INPP5J: variants seen among roughly 807,000 people sequenced by gnomAD.
The protein encoded by INPP5J is phosphatidylinositol 4,5-bisphosphate 5-phosphatase A.
A neutral mutation model predicts 86.6 loss-of-function variants in INPP5J; 75 were observed. The ratio of observed to expected loss-of-function variants is 0.87; its 90% CI spans 0.72 to 1.05. The LOEUF is 1.05. Among genes scored for constraint, INPP5J ranks in the 50% least tolerant of loss-of-function variants. INPP5J has a pLI of 0.00. For synonymous variants in INPP5J, 540 were observed against 550.0 expected (o/e 0.98, Z 0.25); for missense variants, 1,229 against 1,341.2 (o/e 0.92, Z 1.31).
chr22:31,127,971 A>G lies in INPP5J; in HGVS notation c.1808A>G (p.Asp603Gly). 7.0e-7 allele frequency: 1 copy of G among 1,419,326 alleles called. No homozygotes were observed. Among genetic ancestry groups the G allele is most frequent in the African/African-American group, 1.6e-5 (1 of 63,912 alleles). 87.9% of individuals were successfully genotyped at this position (1,419,326 alleles called of 1,614,324 possible). Residue 603 changes from aspartate (D) to glycine (G), a missense_variant, in exon 7 of 13, where the codon GAC (aspartate) becomes GGC (glycine). Coordinates refer to ENST00000331075, the MANE Select transcript of INPP5J (RefSeq NM_001284285.2). ...AACAGCCTCGTGTTCTGGTTCGGGG[A>G]CCTGAACTTCCGCATTGAGAGCTAT... ...LDHDLVFWFGDLNFRIESYDL... is the reference protein window; with the variant it reads ...LDHDLVFWFGGLNFRIESYDL...
Position 31,134,207 on chromosome 22 carries a change from A to G in INPP5J, c.2809A>G (p.Ser937Gly). 6.5e-7 allele frequency: 1 copy of G among 1,550,122 alleles called. No individual in the cohort carries two copies. The highest frequency in any genetic ancestry group is 8.7e-7 in the Non-Finnish European group (1 of 1,146,760). ...RSSNGSSRGS[S>G]EEGPSGLPGP... ...CAGTAATGGCAGCAGCCGGGGCAGT[A>G]GTGAAGAGGGGCCCTCTGGGTTGCC... is the stretch of plus-strand genomic sequence containing the variant. Residue 937 changes from serine to glycine, a missense_variant, in exon 13 of 13, where the codon AGT becomes GGT. By Grantham distance (56) the Ser-to-Gly change is moderately conservative. Transcript: ENST00000331075.
chr22:31,133,770 C>G, intron 12 of INPP5J, 56 bp downstream of exon 12: 1 of 1,565,692 alleles, frequency 6.4e-7, no homozygotes, highest in African/African-American at 1.4e-5. Context: ...TCAAATGCCA[C>G]AGCCTCTACA....
At chr22:31,127,751 GA>G (rs1047003217) in intron 6 of INPP5J, 199 bp from the exon 7 acceptor site, 9 of 646,032 alleles carry the variant, frequency 1.4e-5, no homozygotes, top group Non-Finnish European at 1.9e-5. Context: ...CTGAAGGTCA[GA>G]ACCTAATTTC....
chr22:31,126,606 C>T lies in INPP5J; in HGVS notation c.1386-7C>T, dbSNP rs758854029. ...ATCCCATGGCCACCCTGCCCCCACCCCTCCAGGTTGCAGGAAGTGAACTCC... is the reference window on the plus strand; with the variant it reads ...ATCCCATGGCCACCCTGCCCCCACCTCTCCAGGTTGCAGGAAGTGAACTCC... On this transcript the variant is annotated splice_polypyrimidine_tract_variant and splice_region_variant and intron_variant, in intron 3 of 12. Transcript: ENST00000331075. 1 of 1,612,124 alleles carries T rather than the reference C, an allele frequency of 6.2e-7. No individual in the cohort carries two copies. The highest frequency in any genetic ancestry group is 8.5e-7 in the Non-Finnish European group (1 of 1,178,348).
upstream of INPP5J, chr22:31,122,908 C>A: frequency 1.3e-6 from 1 of 756,320 alleles, no homozygotes. Flanking sequence ...GGAGCCTGTG[C>A]CTTTAAATTC....
chr22:31,125,834 C>T lies in INPP5J; in HGVS notation c.1095C>T (p.Ala365=), dbSNP rs1200600817. ...SPNRSPCVPP[A]PDMALPRLGT... ...ATCGCTCTCCCTGTGTTCCCCCAGC[C>T]CCTGACATGGCCCTCCCAAGGCTTG... The change falls in exon 2 of 13, where the codon GCC becomes GCT. Residue 365 remains alanine, a synonymous_variant. Coordinates refer to ENST00000331075, the MANE Select transcript of INPP5J (RefSeq NM_001284285.2). The T allele has an allele frequency of 6.2e-7, 1 of 1,607,606 alleles. No homozygotes were observed. Among genetic ancestry groups the T allele is most frequent in the East Asian group, 2.2e-5 (1 of 44,608 alleles).
rs756407033 is a variant in INPP5J at position 31,127,471 on chromosome 22, C to T, written c.1726C>T (p.Gln576Ter). Reference protein sequence around the residue: ...DKAEQRKDNFQTILSLQQFQG... With the variant: ...DKAEQRKDNF Reference sequence around the variant, plus strand: ...GGCGGAGCAGCGCAAAGACAACTTCCAGACCATCCTCAGCCTCCAGCAGTT... The same window carrying T: ...GGCGGAGCAGCGCAAAGACAACTTCTAGACCATCCTCAGCCTCCAGCAGTT... The change falls in exon 6 of 13, where the codon CAG (glutamine) becomes TAG (stop). Residue 576 changes from glutamine (Q) to a stop codon, truncating the protein, a stop_gained. Transcript: ENST00000331075. LOFTEE classifies it high-confidence loss of function. The T allele has an allele frequency of 6.2e-7, 1 of 1,613,896 alleles. No homozygotes were observed. The highest frequency in any genetic ancestry group is 8.5e-7 in the Non-Finnish European group (1 of 1,179,848).
upstream of INPP5J, chr22:31,122,838 A>T (rs8137317): frequency 0.37 from 179,928 of 488,028 alleles, 36,300 homozygotes; most frequent in Middle Eastern, 0.5. Context: ...CTCAGCAGCC[A>T]GTTTGAAGGA....
At chr22:31,127,293 GCTCCCAGTGCCTCAC>G in intron 5 of INPP5J, 49 bp from the exon 6 acceptor site, 3 of 1,452,826 alleles carry the variant, frequency 2.1e-6, no homozygotes, top group Non-Finnish European at 2.8e-6. Context: ...TCTAACCCCC[GCTCCCAGTGCCTCAC>G]CTCCTGGCCT....
chr22:31,127,766 T>C, intron 6 of INPP5J, 185 bp from the exon 7 acceptor site: 1 of 641,254 alleles, frequency 1.6e-6, no homozygotes, highest in South Asian at 1.9e-5. Context: ...TAATTTCCTG[T>C]AGACCGGTCC....
rs564119487 is a variant in INPP5J, at chr22:31,134,456, T to A, written c.*37T>A. 2,864 of 1,429,160 alleles carry A rather than the reference T, an allele frequency of 2.0e-3. 30 individuals are homozygous for A. The highest frequency in any genetic ancestry group is 0.016 in the Middle Eastern group (81 of 5,100). The allele number at this position is 1,429,160 out of a possible 1,614,324, so 88.5% of individuals were successfully genotyped here. A position where few individuals can be genotyped will look rare whatever the true frequency, so the allele number is the denominator to read the frequency against. On this transcript the variant is annotated 3_prime_UTR_variant, in exon 13 of 13. Transcript: ENST00000331075. ...GCAGATGGGCCAAGGTGACCACCAT[T>A]CTGCCTCAATCTTTTGCAAGCCCAC...
In INPP5J at chr22:31,126,447, G is replaced by A. The variant is rs143502790; in HGVS notation, c.1343G>A (p.Gly448Asp). The change falls in exon 3 of 13, where the codon GGC (glycine) becomes GAC (aspartate). Residue 448 changes from glycine to aspartate, a missense_variant. Gly to Asp is a moderately conservative substitution (Grantham distance 94). Transcript: ENST00000331075. ...PDDVTSLLHL[G>D]GGDDSDGADM... ...GATGTCACATCCCTCCTCCACCTGG[G>A]CGGTGGTGACGACAGCGACGGCGCA... The A allele has an allele frequency of 1.2e-4, 191 of 1,613,838 alleles. 1 individual carries two copies. The highest frequency in any genetic ancestry group is 1.5e-4 in the Non-Finnish European group (175 of 1,179,848).
Position 31,134,406 on chromosome 22 carries a change from G to T in INPP5J, c.3008G>T (p.Gly1003Val). The T allele has an allele frequency of 2.7e-6, 4 of 1,461,402 alleles. No individual in the cohort carries two copies. The highest frequency in any genetic ancestry group is 3.6e-6 in the Non-Finnish European group (4 of 1,105,678). 90.5% of individuals were successfully genotyped at this position (1,461,402 alleles called of 1,614,324 possible). The change falls in exon 13 of 13, where the codon GGC becomes GTC. Residue 1003 changes from glycine to valine, a missense_variant. Gly to Val is a moderately radical substitution (Grantham distance 109). Transcript: ENST00000331075. ...PQGHRGLEEGGLGP is the reference protein window; with the variant it reads ...PQGHRGLEEGVLGP ...GGCCATCGGGGGCTGGAGGAAGGGG[G>T]CCTGGGGCCCTGAGGGTGGGGTAGG... is the stretch of plus-strand genomic sequence containing the variant.
At chr22:31,131,531 CCA>C (rs1348658366) in intron 9 of INPP5J, among the ~76,000 whole-genome samples, 3 of 151,824 alleles carry the variant, frequency 2.0e-5, no homozygotes, top group Admixed American at 2.0e-4. Context: ...CCACTGCACT[CCA>C]GCCTGGGCTA....
chr22:31,133,030 C>T (rs985193973), intron 9 of INPP5J, 68 bp from the exon 10 acceptor site: 1 of 1,543,970 alleles, frequency 6.5e-7, no homozygotes, highest in Non-Finnish European at 8.8e-7. Flanking sequence ...GACCCAAGAG[C>T]CTTAAGTGTG....
Position 31,128,657 on chromosome 22 carries a change from G to A in INPP5J, c.2193+3G>A. 1.3e-6 allele frequency: 2 copies of A among 1,575,788 alleles called. No individual in the cohort carries two copies. Among genetic ancestry groups the A allele is most frequent in the Admixed American group, 3.6e-5 (2 of 55,854 alleles). ...TGGCTGCCCAGTTCCTCCTGCAGGT[G>A]AGTTCTGGCCTCATCCTCCCCGCAT... On this transcript the variant is annotated splice_donor_region_variant and intron_variant, in intron 9 of 12. Transcript: ENST00000331075.
rs1921734990 is a variant in INPP5J at position 31,128,536 on chromosome 22, G to T, written c.2075G>T (p.Gly692Val). The change falls in exon 9 of 13, where the codon GGT (glycine) becomes GTT (valine). Residue 692 changes from glycine to valine, a missense_variant. Physicochemically the swap from Gly to Val is moderately radical, Grantham distance 109 (BLOSUM62 -3). Transcript: ENST00000331075. Reference sequence around the variant, plus strand: ...TGGAAGGTCAAGGCTCCAGGTGGGGGTCCCAGCCCCTCAGGACGGAAGAGC... The same window carrying T: ...TGGAAGGTCAAGGCTCCAGGTGGGGTTCCCAGCCCCTCAGGACGGAAGAGC... ...ILWKVKAPGG[G>V]PSPSGRKSHR... The T allele has an allele frequency of 1.2e-6, 2 of 1,613,348 alleles. No homozygotes were observed. Among genetic ancestry groups the T allele is most frequent in the Admixed American group, 3.3e-5 (2 of 60,004 alleles).
At chr22:31,133,859 C>T in intron 12 of INPP5J, 54 bp from the exon 13 acceptor site, 1 of 1,599,716 alleles carries the variant, frequency 6.3e-7, no homozygotes, top group East Asian at 2.2e-5. Flanking sequence ...GGAGGTCAGG[C>T]CTCAGTGGCT....
intron 5 of INPP5J, 124 bp downstream of exon 5, chr22:31,127,161 C>G (rs753609577): frequency 3.2e-5 from 26 of 822,712 alleles, no homozygotes; most frequent in East Asian, 1.6e-4. Flanking sequence ...GCCCAGCCCC[C>G]CCATGCACCA....
Sources: gnomAD v4.1 joint callset for allele counts (sites outside exome capture counted in the v4.1 genomes callset) on GRCh38, gnomAD v4.1.1 for gene constraint, MANE v1.5 for transcripts, NCBI Gene and HGNC (gene_info 2026-07-23, HGNC 2026-07-21) for gene names.